FRYL: variants seen among roughly 807,000 people sequenced by gnomAD.
FRYL encodes the protein FRY like transcription coactivator, also known as protein furry homolog-like.
FRYL carries 150 observed loss-of-function variants against 351.2 expected under a neutral mutation model. The observed-to-expected ratio is 0.43, with a 90% confidence interval of 0.37 to 0.49. The LOEUF (loss-of-function observed/expected upper bound fraction) is 0.49, where lower values mean the gene tolerates loss of function less well. Ranked by LOEUF, FRYL falls within the 20% of genes least tolerant of loss-of-function variation. The pLI is 0.00. For synonymous variants in FRYL, 1,153 were observed against 1,257.1 expected (o/e 0.92, Z 1.75); for missense variants, 3,036 against 3,619.3 (o/e 0.84, Z 4.13).
chr4:48,740,965 G>A (rs1771988259), intron 1 of FRYL, among the ~76,000 whole-genome samples: 2 of 151,782 alleles, frequency 1.3e-5, no homozygotes, highest in African/African-American at 4.8e-5. Flanking sequence ...ACTTATAGCA[G>A]CATTATTCAT....
intron 35 of FRYL, among the ~76,000 whole-genome samples, chr4:48,555,880 T>TTTTA (rs1482808445): frequency 1.3e-5 from 2 of 152,248 alleles, no homozygotes; most frequent in South Asian, 2.1e-4. Context: ...TCTGTAGAAC[T>TTTTA]TTTATTTATT....
At chr4:48,585,801 A>G (rs1741980658) in intron 19 of FRYL, among the ~76,000 whole-genome samples, 2 of 152,384 alleles carry the variant, frequency 1.3e-5, no homozygotes, top group Admixed American at 1.3e-4. Flanking sequence ...ATCTATCACC[A>G]TAAATACTTG....
At chr4:48,750,173 G>A (rs1773099731) in intron 1 of FRYL, among the ~76,000 whole-genome samples, 2 of 146,362 alleles carry the variant, frequency 1.4e-5, no homozygotes, top group South Asian at 4.4e-4. Context: ...AGAAAAAAAA[G>A]GAAGAGGCTG....
Position 48,500,061 on chromosome 4 carries a change from T to C in FRYL, c.8752A>G (p.Ile2918Val), listed in dbSNP as rs1335901937. Reference protein sequence around the residue: ...LIETLKNKEFISAVAQVKAFR... With the variant: ...LIETLKNKEFVSAVAQVKAFR... ...GCTTTGACTTGTGCTACAGCTGATA[T>C]AAATTCTTTATTTTTCAAAGTTTCA... Residue 2918 changes from isoleucine to valine, a missense_variant, in exon 63 of 64, where the codon ATA becomes GTA. Around this residue, in one of 7 missense-constraint regions of FRYL, gnomAD observed 1,987 missense variants for 2,311.7 expected, o/e 0.86. Transcript: ENST00000358350. 6 of 1,597,908 alleles carry C rather than the reference T, an allele frequency of 3.8e-6. No individual in the cohort carries two copies. The highest frequency in any genetic ancestry group is 5.1e-6 in the Non-Finnish European group (6 of 1,175,644).
At chr4:48,720,109 C>T (rs1200267673) in intron 1 of FRYL, among the ~76,000 whole-genome samples, 1 of 148,160 alleles carries the variant, frequency 6.7e-6, no homozygotes, top group Non-Finnish European at 1.5e-5. Flanking sequence ...AAGATTGTGC[C>T]ACTGCACTCC....
intron 1 of FRYL, among the ~76,000 whole-genome samples, chr4:48,713,578 A>G (rs1046286609): frequency 3.9e-5 from 6 of 152,198 alleles, no homozygotes; most frequent in Admixed American, 2.0e-4. Flanking sequence ...TAACTATCCT[A>G]AATAGATATG....
chr4:48,748,913 AAC>A (rs1772959135), intron 1 of FRYL, among the ~76,000 whole-genome samples: 1 of 152,210 alleles, frequency 6.6e-6, no homozygotes, highest in Admixed American at 6.5e-5. Context: ...TTGACATTTC[AAC>A]ACAGATTGGA....
intron 1 of FRYL, among the ~76,000 whole-genome samples, chr4:48,757,315 T>C (rs1465210733): frequency 6.6e-6 from 1 of 152,202 alleles, no homozygotes; most frequent in Non-Finnish European, 1.5e-5. Context: ...TGTTTGCAGA[T>C]GACATGACTG....
chr4:48,513,544 ATG>A (rs1301702463), intron 56 of FRYL, among the ~76,000 whole-genome samples: 1 of 152,224 alleles, frequency 6.6e-6, no homozygotes, highest in Non-Finnish European at 1.5e-5. Context: ...TAAAAAAGAA[ATG>A]TGTTATTCAA....
intron 19 of FRYL, among the ~76,000 whole-genome samples, chr4:48,585,164 TG>T (rs1361650154): frequency 2.0e-5 from 3 of 152,216 alleles, no homozygotes; most frequent in African/African-American, 7.2e-5. Flanking sequence ...AGTTGTTTAC[TG>T]CTCTCCCAAG....
intron 2 of FRYL, among the ~76,000 whole-genome samples, chr4:48,687,916 T>A (rs936834460): frequency 1.3e-5 from 2 of 152,108 alleles, no homozygotes; most frequent in African/African-American, 2.4e-5. Flanking sequence ...GACTGCTTCA[T>A]AAAAGATTGG....
chr4:48,736,177 T>C (rs1220402861), intron 1 of FRYL, among the ~76,000 whole-genome samples: 1 of 151,462 alleles, frequency 6.6e-6, no homozygotes, highest in Non-Finnish European at 1.5e-5. Flanking sequence ...ACAATGAAAA[T>C]GAAAATACAA....
intron 3 of FRYL, among the ~76,000 whole-genome samples, chr4:48,672,357 A>G (rs1762888898): frequency 6.6e-6 from 1 of 152,308 alleles, no homozygotes; most frequent in Non-Finnish European, 1.5e-5. Context: ...CTCCTTTGTC[A>G]TGAGAATTCC....
At chr4:48,676,644 G>A (rs1430859993) in intron 3 of FRYL, among the ~76,000 whole-genome samples, 9 of 151,992 alleles carry the variant, frequency 5.9e-5, no homozygotes. Flanking sequence ...GCCCGCCTCG[G>A]CCTCCCGAAG....
chr4:48,632,573 CTATA>C (rs1359777356), intron 4 of FRYL, among the ~76,000 whole-genome samples: 2 of 150,246 alleles, frequency 1.3e-5, no homozygotes, highest in African/African-American at 4.9e-5. Context: ...TATATATATA[CTATA>C]TATACATTAT....
Position 48,651,661 on chromosome 4 carries a change from A to T in FRYL, c.-80-17171T>A, listed in dbSNP as rs568401773. On this transcript the variant is annotated intron_variant, in intron 3 of 63. Transcript: ENST00000358350. The stretch of plus-strand genomic sequence containing the variant: ...CTTCTATCTGCCACAGCACAGTAGC[A>T]TACGCTCTATAAACACTGGTTGACT... Among the ~76,000 whole-genome samples, 5 of 152,314 alleles carry T rather than the reference A, an allele frequency of 3.3e-5. No homozygotes were observed. In the South Asian group the frequency reaches 8.3e-4, roughly 25 times the overall value.
At chr4:48,690,379 T>C (rs183286669) in intron 2 of FRYL, among the ~76,000 whole-genome samples, 1 of 152,118 alleles carries the variant, frequency 6.6e-6, no homozygotes, top group African/African-American at 2.4e-5. Context: ...TTTCCTAGAA[T>C]AACCAACCCT....
intron 20 of FRYL, among the ~76,000 whole-genome samples, chr4:48,581,871 C>T (rs1740981365): frequency 6.6e-6 from 1 of 152,156 alleles, no homozygotes; most frequent in African/African-American, 2.4e-5. Context: ...TGCTCTTCAT[C>T]TGATTTCTAT....
Position 48,535,723 on chromosome 4 carries a change from G to C in FRYL, c.6498C>G (p.Val2166=). The part of the protein sequence containing the change: ...YSRDCSNWIN[V]VCRYLHDSFS... ...AGGAGTCATGCAGGTATCTGCACACGACATTGATCCAGTTAGAACAGTCTC... is the reference window on the plus strand; with the variant it reads ...AGGAGTCATGCAGGTATCTGCACACCACATTGATCCAGTTAGAACAGTCTC... Residue 2166 remains valine (V), a synonymous_variant, in exon 48 of 64, where the codon GTC becomes GTG. Transcript: ENST00000358350. The C allele has an allele frequency of 6.2e-7, 1 of 1,609,512 alleles. No homozygotes were observed. The highest frequency in any genetic ancestry group is 8.5e-7 in the Non-Finnish European group (1 of 1,177,404).
Sources: allele counts gnomAD v4.1 joint callset (sites outside exome capture counted in the v4.1 genomes callset), GRCh38; gene constraint gnomAD v4.1.1; regional missense constraint gnomAD v4.1.1; transcripts MANE v1.5; gene names NCBI Gene and HGNC (gene_info 2026-07-23, HGNC 2026-07-21).